OSBPL9: variants seen among roughly 807,000 people sequenced by gnomAD.
OSBPL9 encodes oxysterol binding protein like 9.
In OSBPL9, 40 loss-of-function variants were observed where a neutral mutation model predicts 106.6. The ratio of observed to expected loss-of-function variants is 0.38; its 90% CI spans 0.29 to 0.49. The LOEUF is 0.49. OSBPL9 is among the 20% of genes least tolerant of loss of function. The pLI is 0.97. For missense variants in OSBPL9, 609 were observed against 887.2 expected, an observed-to-expected ratio of 0.69 and a Z score of 3.98; for synonymous variants, 269 against 295.4, an observed-to-expected ratio of 0.91 and a Z score of 0.92.
chr1:51,539,268 C>T, the OSBPL9 span, among the ~76,000 whole-genome samples: 4 of 152,126 alleles, frequency 2.6e-5, no homozygotes, highest in Admixed American at 6.6e-5. Flanking sequence ...TTCCATCCCC[C>T]GGTTACTCTA....
chr1:51,697,453 C>CT (rs759965779), intron 3 of OSBPL9, among the ~76,000 whole-genome samples: 16,266 of 103,116 alleles, frequency 0.16, 1,279 homozygotes, highest in African/African-American at 0.22. Context: ...ATAGGGGTTA[C>CT]TTTTTTTTTT....
intron 1 of OSBPL9, among the ~76,000 whole-genome samples, chr1:51,623,007 A>G (rs190910236): frequency 6.6e-6 from 1 of 152,248 alleles, no homozygotes; most frequent in African/African-American, 2.4e-5. Flanking sequence ...GAGAAAAACT[A>G]GAAGAATGTG....
intron 4 of OSBPL9, among the ~76,000 whole-genome samples, chr1:51,720,059 A>C (rs1321888544): frequency 6.6e-6 from 1 of 151,498 alleles, no homozygotes; most frequent in African/African-American, 2.5e-5. Context: ...CTTCATATAG[A>C]TATGCCATTT....
chr1:51,621,637 C>G (rs1377024787), intron 1 of OSBPL9, among the ~76,000 whole-genome samples: 1 of 152,128 alleles, frequency 6.6e-6, no homozygotes. Context: ...TAGAATGTCG[C>G]AAACATTTCT....
chr1:51,713,054 T>C (rs1660380347), intron 3 of OSBPL9, among the ~76,000 whole-genome samples: 1 of 152,224 alleles, frequency 6.6e-6, no homozygotes, highest in African/African-American at 2.4e-5. Context: ...ACATGGACTG[T>C]TTACCAGAGC....
intron 3 of OSBPL9, among the ~76,000 whole-genome samples, chr1:51,699,635 C>G (rs527289194): frequency 2.0e-5 from 3 of 152,158 alleles, no homozygotes; most frequent in Non-Finnish European, 4.4e-5. Flanking sequence ...AAAAGACATT[C>G]CAGGCTCATT....
chr1:51,730,641 C>T (rs574730354), intron 4 of OSBPL9, among the ~76,000 whole-genome samples: 1 of 152,146 alleles, frequency 6.6e-6, no homozygotes, highest in South Asian at 2.1e-4. Flanking sequence ...AATTAATGGA[C>T]TAGGAAGCAT....
chr1:51,668,743 C>T (rs1196330030), intron 2 of OSBPL9, among the ~76,000 whole-genome samples: 2 of 152,202 alleles, frequency 1.3e-5, no homozygotes, highest in Non-Finnish European at 2.9e-5. Flanking sequence ...TGCCCACCCC[C>T]CAGTTTGGAG....
chr1:51,586,270 C>A (rs979514945), intron 1 of OSBPL9, among the ~76,000 whole-genome samples: 1 of 151,846 alleles, frequency 6.6e-6, no homozygotes, highest in African/African-American at 2.4e-5. Flanking sequence ...TCTGAAATTC[C>A]ATTATTTACC....
intron 4 of OSBPL9, among the ~76,000 whole-genome samples, chr1:51,717,292 A>G (rs1327825583): frequency 6.6e-6 from 1 of 152,048 alleles, no homozygotes; most frequent in Non-Finnish European, 1.5e-5. Flanking sequence ...ATTGAACTTT[A>G]TCTACTTTAG....
the OSBPL9 span, among the ~76,000 whole-genome samples, chr1:51,548,841 T>C: frequency 6.6e-6 from 1 of 152,198 alleles, no homozygotes; most frequent in Non-Finnish European, 1.5e-5. Context: ...AATATCTTCA[T>C]CTGGTGATAC....
chr1:51,762,922 TCA>T (rs1294877299), intron 11 of OSBPL9, among the ~76,000 whole-genome samples: 1 of 152,254 alleles, frequency 6.6e-6, no homozygotes. Flanking sequence ...AAAACATTTA[TCA>T]GTCTTTCACC....
intron 1 of OSBPL9, among the ~76,000 whole-genome samples, chr1:51,619,503 T>G (rs1170338191): frequency 2.0e-5 from 3 of 152,018 alleles, no homozygotes. Context: ...CTAGATTCCC[T>G]AAAATATTAT....
rs1571572146 is a variant in OSBPL9, at chr1:51,756,210, T to G, written c.544-110T>G. The G allele has an allele frequency of 2.0e-5, 17 of 854,200 alleles. No individual in the cohort carries two copies. The East Asian group carries it at 4.5e-4, about 23-fold the overall frequency. The allele number at this position is 854,200 out of a possible 1,614,324, so 52.9% of individuals were successfully genotyped here. On this transcript the variant is annotated intron_variant, in intron 8 of 23. Transcript: ENST00000428468. The stretch of plus-strand genomic sequence containing the variant: ...AATCTTAGTGGAGGCAGATAAATCA[T>G]GTTCTAACATTATTACTTACCTAGT...
chr1:51,769,103 TTA>T (rs1270387045), intron 12 of OSBPL9, among the ~76,000 whole-genome samples: 1 of 152,240 alleles, frequency 6.6e-6, no homozygotes, highest in Non-Finnish European at 1.5e-5. Context: ...CATATATATC[TTA>T]TGTCTTGGTC....
At chr1:51,594,341 G>T (rs936284400) in intron 1 of OSBPL9, among the ~76,000 whole-genome samples, 34 of 152,164 alleles carry the variant, frequency 2.2e-4, no homozygotes, top group African/African-American at 7.7e-4. Flanking sequence ...GGCAGAGGTT[G>T]CAGTGAGCCG....
chr1:51,521,923 A>AT, the OSBPL9 span, among the ~76,000 whole-genome samples: 28 of 147,798 alleles, frequency 1.9e-4, no homozygotes, highest in South Asian at 1.1e-3. Context: ...ACACCAGCTA[A>AT]TTTTTTTTTT....
chr1:51,545,726 G>A, the OSBPL9 span, among the ~76,000 whole-genome samples: 1 of 152,176 alleles, frequency 6.6e-6, no homozygotes, highest in Non-Finnish European at 1.5e-5. Context: ...AGTGAGCCAT[G>A]ATCATGCCAC....
intron 9 of OSBPL9, 59 bp downstream of exon 9, chr1:51,756,417 A>AT (rs1221589240): frequency 9.2e-6 from 14 of 1,515,962 alleles, no homozygotes; most frequent in Non-Finnish European, 1.3e-5. Context: ...ATAACCAGTC[A>AT]TATCAGGAGA....
Sources: allele counts gnomAD v4.1 joint callset (sites outside exome capture counted in the v4.1 genomes callset), GRCh38; gene constraint gnomAD v4.1.1; transcripts MANE v1.5; gene names NCBI Gene and HGNC (gene_info 2026-07-23, HGNC 2026-07-21).